Variants in PSMA5 observed in about 807,000 individuals in gnomAD.
PSMA5 encodes the protein proteasome 20S subunit alpha 5, also known as proteasome subunit alpha type-5.
In PSMA5, 3 loss-of-function variants were observed where a neutral mutation model predicts 34.5. That is an observed-to-expected ratio of 0.09 (90% confidence interval 0.04 to 0.22). PSMA5 has a LOEUF of 0.22. Among genes scored for constraint, PSMA5 ranks in the 10% least tolerant of loss-of-function variants. The pLI is 1.00. For synonymous variants in PSMA5, 88 were observed against 95.8 expected, an observed-to-expected ratio of 0.92 and a Z score of 0.47; for missense variants, 120 against 286.1, an observed-to-expected ratio of 0.42 and a Z score of 4.19.
intron 6 of PSMA5, 54 bp from the exon 7 acceptor site, chr1:109,411,167 G>A (rs953280313): frequency 4.8e-6 from 6 of 1,257,778 alleles, no homozygotes; most frequent in Non-Finnish European, 5.7e-6. Flanking sequence ...GGCACTTTAT[G>A]TAACAAACGT....
chr1:109,411,573 C>T (rs745399511), intron 6 of PSMA5, among the ~76,000 whole-genome samples: 1 of 151,680 alleles, frequency 6.6e-6, no homozygotes, highest in Non-Finnish European at 1.5e-5. Flanking sequence ...TATGTATATA[C>T]ATACACACAC....
At chr1:109,413,247 C>A in intron 3 of PSMA5, 112 bp from the exon 4 acceptor site, 1 of 939,656 alleles carries the variant, frequency 1.1e-6, no homozygotes, top group Non-Finnish European at 1.7e-6. Flanking sequence ...TTCAGCTATC[C>A]CATGGCATTT....
rs1654062480 is a variant in PSMA5 at position 109,413,080 on chromosome 1, T to C, written c.279A>G (p.Arg93=). The C allele has an allele frequency of 1.2e-6, 2 of 1,613,708 alleles. No individual in the cohort carries two copies. The highest frequency in any genetic ancestry group is 2.7e-5 in the African/African-American group (2 of 74,904). Residue 93 remains arginine (R), a synonymous_variant, in exon 4 of 9, where the codon AGA becomes AGG. Transcript: ENST00000271308. ...ADAKTLIDKA[R]VETQNHWFTY... is the part of the protein sequence containing the mutation. ...ATGCCAATTTTACCTGTGTCTCCACTCTGGCTTTATCAATTAAAGTCTTAG... is the reference window on the plus strand; with the variant it reads ...ATGCCAATTTTACCTGTGTCTCCACCCTGGCTTTATCAATTAAAGTCTTAG...
At chr1:109,423,521 C>T (rs1654529312) in intron 1 of PSMA5, among the ~76,000 whole-genome samples, 1 of 152,226 alleles carries the variant, frequency 6.6e-6, no homozygotes, top group Admixed American at 6.5e-5. Context: ...ATCCTATTAG[C>T]ACTTAACACT....
chr1:109,412,248 A>C (rs1325023767), intron 4 of PSMA5, 64 bp from the exon 5 acceptor site: 469 of 1,276,272 alleles, frequency 3.7e-4, no homozygotes, highest in Non-Finnish European at 5.0e-4. Context: ...CCACCATCTC[A>C]CTACGCACAT....
chr1:109,415,443 CT>C (rs1278309376), intron 2 of PSMA5, 80 bp from the exon 3 acceptor site: 2 of 1,435,372 alleles, frequency 1.4e-6, no homozygotes, highest in Non-Finnish European at 9.3e-7. Context: ...CTCTGTAAAT[CT>C]TCACATGATA....
chr1:109,407,856 G>C (rs902895216), intron 8 of PSMA5, among the ~76,000 whole-genome samples: 1 of 152,002 alleles, frequency 6.6e-6, no homozygotes. Context: ...TGTTGGCCAG[G>C]CTAGTCTCGA....
At chr1:109,412,230 A>T in intron 4 of PSMA5, 46 bp from the exon 5 acceptor site, 1 of 1,469,930 alleles carries the variant, frequency 6.8e-7, no homozygotes, top group Non-Finnish European at 9.5e-7. Context: ...TAAGGACATT[A>T]AAGCAGCCCA....
At chr1:109,421,553 G>C (rs531023644) in intron 2 of PSMA5, among the ~76,000 whole-genome samples, 4 of 151,966 alleles carry the variant, frequency 2.6e-5, no homozygotes, top group South Asian at 4.2e-4. Context: ...AAGTAATACA[G>C]GTGCTAATTC....
At chr1:109,411,161 C>T (rs1052133786) in intron 6 of PSMA5, 48 bp from the exon 7 acceptor site, 2 of 1,336,650 alleles carry the variant, frequency 1.5e-6, no homozygotes, top group Admixed American at 1.8e-5. Flanking sequence ...AGTGGTGGCA[C>T]TTTATGTAAC....
At chr1:109,405,541 A>C (rs1392862959) in intron 8 of PSMA5, among the ~76,000 whole-genome samples, 2 of 146,438 alleles carry the variant, frequency 1.4e-5, no homozygotes, top group African/African-American at 2.5e-5. Flanking sequence ...GGGTTCAAGC[A>C]ATTCTCATGC....
chr1:109,415,035 AG>A (rs1266554636), intron 3 of PSMA5: 5 of 491,672 alleles, frequency 1.0e-5, no homozygotes, highest in African/African-American at 7.7e-5. Flanking sequence ...TTGAGGGGAA[AG>A]GAACTTATGG....
intron 1 of PSMA5, among the ~76,000 whole-genome samples, chr1:109,425,091 A>G (rs1654601067): frequency 6.6e-6 from 1 of 152,354 alleles, no homozygotes; most frequent in East Asian, 1.9e-4. Context: ...AGTCTCCTAT[A>G]TGCGAGCAAG....
chr1:109,409,610 T>G (rs901300441), intron 8 of PSMA5, among the ~76,000 whole-genome samples: 2 of 152,130 alleles, frequency 1.3e-5, no homozygotes, highest in Non-Finnish European at 2.9e-5. Context: ...AGCTATGATA[T>G]CTGAATAAAA....
At chr1:109,424,201 G>A (rs1654558014) in intron 1 of PSMA5, among the ~76,000 whole-genome samples, 1 of 152,130 alleles carries the variant, frequency 6.6e-6, no homozygotes, top group Non-Finnish European at 1.5e-5. Context: ...CATATTGAAT[G>A]CAATCCCTCA....
intron 2 of PSMA5, among the ~76,000 whole-genome samples, chr1:109,417,778 G>C (rs974321582): frequency 1.3e-5 from 2 of 152,040 alleles, no homozygotes; most frequent in African/African-American, 4.8e-5. Flanking sequence ...CAAACTTTTT[G>C]ACCAAAAGCC....
chr1:109,418,482 A>AT (rs1294263617), intron 2 of PSMA5, among the ~76,000 whole-genome samples: 2 of 152,036 alleles, frequency 1.3e-5, no homozygotes, highest in African/African-American at 4.8e-5. Context: ...CACTCAACTA[A>AT]TTTTTTAAAT....
chr1:109,413,006 T>C (rs1305043029), intron 4 of PSMA5, 62 bp downstream of exon 4: 17 of 1,410,584 alleles, frequency 1.2e-5, no homozygotes, highest in East Asian at 9.1e-5. Flanking sequence ...CCCAGGCAGC[T>C]AGATAATCAC....
intron 2 of PSMA5, among the ~76,000 whole-genome samples, chr1:109,415,918 CCAT>C (rs542555614): frequency 1.0e-3 from 154 of 152,218 alleles, no homozygotes; most frequent in African/African-American, 3.3e-3. Context: ...AGAACCACCA[CCAT>C]CATCACCACC....
Sources: allele counts gnomAD v4.1 joint callset (sites outside exome capture counted in the v4.1 genomes callset), GRCh38; gene constraint gnomAD v4.1.1; transcripts MANE v1.5; gene names NCBI Gene and HGNC (gene_info 2026-07-23, HGNC 2026-07-21).